Variants in SMYD3 observed in about 807,000 individuals in gnomAD.
SMYD3 encodes the protein histone-lysine N-methyltransferase SMYD3.
SMYD3 carries 36 observed loss-of-function variants against 57.7 expected under a neutral mutation model. That is an observed-to-expected ratio of 0.62 (90% CI 0.48 to 0.82). The LOEUF (loss-of-function observed/expected upper bound fraction) is 0.82. Ranked by LOEUF, SMYD3 falls within the 40% of genes least tolerant of loss-of-function variation. The pLI, the probability that SMYD3 is intolerant of heterozygous loss-of-function variation, is 0.00. For synonymous variants in SMYD3, 211 were observed against 195.0 expected (o/e 1.08, Z -0.68); for missense variants, 515 against 538.8 (o/e 0.96, Z 0.44).
chr1:246,352,297 C>T (rs2065844428), intron 2 of SMYD3, among the ~76,000 whole-genome samples: 1 of 152,134 alleles, frequency 6.6e-6, no homozygotes. Flanking sequence ...AAATGCTAAG[C>T]TAGTGAACCA....
intron 5 of SMYD3, among the ~76,000 whole-genome samples, chr1:246,129,271 T>C (rs1177357943): frequency 6.6e-6 from 1 of 152,182 alleles, no homozygotes. Context: ...AATGCACTTG[T>C]ATTTCTGAAT....
At chr1:246,307,506 G>A (rs1007950771) in intron 5 of SMYD3, among the ~76,000 whole-genome samples, 3 of 136,976 alleles carry the variant, frequency 2.2e-5, no homozygotes, top group Non-Finnish European at 3.0e-5. Context: ...TGCAAGCTCC[G>A]CCTCCCGGGT....
chr1:245,950,741 G>A (rs2057602951), intron 5 of SMYD3, among the ~76,000 whole-genome samples: 1 of 152,224 alleles, frequency 6.6e-6, no homozygotes, highest in Non-Finnish European at 1.5e-5. Flanking sequence ...ATACTCTGGA[G>A]GTGACTTTGT....
intron 5 of SMYD3, among the ~76,000 whole-genome samples, chr1:246,220,116 A>G (rs1421169078): frequency 6.6e-6 from 1 of 152,140 alleles, no homozygotes; most frequent in Non-Finnish European, 1.5e-5. Context: ...CGTTCCTCTA[A>G]GCCCAGCCTT....
intron 5 of SMYD3, among the ~76,000 whole-genome samples, chr1:246,097,396 C>T (rs963366731): frequency 6.6e-6 from 1 of 152,082 alleles, no homozygotes; most frequent in African/African-American, 2.4e-5. Context: ...GAGATGGTTC[C>T]AGCTCAGACA....
At chr1:246,286,891 T>C (rs77620882) in intron 5 of SMYD3, among the ~76,000 whole-genome samples, 1 of 151,846 alleles carries the variant, frequency 6.6e-6, no homozygotes, top group Non-Finnish European at 1.5e-5. Context: ...TTTTTTTTTT[T>C]GAGACAGTCT....
intron 5 of SMYD3, among the ~76,000 whole-genome samples, chr1:246,121,048 A>T (rs567818579): frequency 1.3e-5 from 2 of 152,350 alleles, no homozygotes; most frequent in East Asian, 3.9e-4. Context: ...TGCTTTGAGA[A>T]GGATACAGTC....
intron 5 of SMYD3, among the ~76,000 whole-genome samples, chr1:246,258,298 G>C (rs564252110): frequency 3.3e-4 from 50 of 152,256 alleles, no homozygotes; most frequent in South Asian, 6.2e-4. Flanking sequence ...GCCTCCCAAA[G>C]TGCTGGGATT....
At chr1:246,253,295 A>G (rs1200908085) in intron 5 of SMYD3, among the ~76,000 whole-genome samples, 6 of 152,136 alleles carry the variant, frequency 3.9e-5, no homozygotes, top group African/African-American at 1.4e-4. Context: ...AGCAGTCCTC[A>G]GTTTCTGCTG....
intron 5 of SMYD3, among the ~76,000 whole-genome samples, chr1:245,986,270 G>A (rs953302691): frequency 1.3e-5 from 2 of 152,170 alleles, no homozygotes; most frequent in Non-Finnish European, 2.9e-5. Context: ...AAGATTTTCT[G>A]GAGAAGTTTT....
At chr1:246,378,748 ATAATATATTTAATATATTATATATAATT>A (rs1438297229) in intron 1 of SMYD3, among the ~76,000 whole-genome samples, 2 of 82,858 alleles carry the variant, frequency 2.4e-5, no homozygotes, top group Non-Finnish European at 4.4e-5. Flanking sequence ...ATAATTATAT[ATAATATATTTAATATATTATATATAATT>A]TAATATATTT....
At chr1:246,450,120 T>A (rs113872770) in intron 1 of SMYD3, among the ~76,000 whole-genome samples, 2 of 152,248 alleles carry the variant, frequency 1.3e-5, no homozygotes, top group African/African-American at 4.8e-5. Context: ...CAACCCCATC[T>A]CTGCTAAAAA....
At chr1:246,227,925 T>TACCTA (rs898152238) in intron 5 of SMYD3, among the ~76,000 whole-genome samples, 1 of 151,922 alleles carries the variant, frequency 6.6e-6, no homozygotes, top group Non-Finnish European at 1.5e-5. Flanking sequence ...TATTTATATT[T>TACCTA]ACCTAACACC....
At chr1:246,116,781 C>T (rs1295992278) in intron 5 of SMYD3, among the ~76,000 whole-genome samples, 2 of 152,190 alleles carry the variant, frequency 1.3e-5, no homozygotes, top group African/African-American at 2.4e-5. Flanking sequence ...TTAATTACCA[C>T]ATTTTCAAAG....
chr1:245,857,045 T>C (rs1482539672), intron 10 of SMYD3, among the ~76,000 whole-genome samples: 1 of 152,216 alleles, frequency 6.6e-6, no homozygotes, highest in Non-Finnish European at 1.5e-5. Context: ...GATCGATCAC[T>C]CTGAGCAGGC....
At chr1:245,824,107 G>GGCAGCTGA (rs771686470) in intron 10 of SMYD3, among the ~76,000 whole-genome samples, 2 of 152,160 alleles carry the variant, frequency 1.3e-5, no homozygotes, top group Non-Finnish European at 2.9e-5. Flanking sequence ...GCTACTTGGG[G>GGCAGCTGA]TGTCTGAAAG....
chr1:245,802,739 G>T (rs926276912), intron 10 of SMYD3, among the ~76,000 whole-genome samples: 3 of 152,220 alleles, frequency 2.0e-5, no homozygotes, highest in African/African-American at 7.2e-5. Context: ...GTCAAGCTAT[G>T]AAGAGAGTGA....
chr1:245,776,068 G>A (rs952585891), intron 10 of SMYD3, among the ~76,000 whole-genome samples: 5 of 152,294 alleles, frequency 3.3e-5, no homozygotes, highest in African/African-American at 9.6e-5. Context: ...GTATTCAAGC[G>A]TTTTAAAGCC....
intron 5 of SMYD3, among the ~76,000 whole-genome samples, chr1:246,309,543 A>G (rs1190217740): frequency 6.6e-6 from 1 of 152,108 alleles, no homozygotes; most frequent in Non-Finnish European, 1.5e-5. Flanking sequence ...TGTTTCTCAT[A>G]CTCTGTGTCT....
Sources: gnomAD v4.1 joint callset for allele counts (sites outside exome capture counted in the v4.1 genomes callset) on GRCh38, gnomAD v4.1.1 for gene constraint, MANE v1.5 for transcripts, NCBI Gene and HGNC (gene_info 2026-07-23, HGNC 2026-07-21) for gene names.